MTMR3: variants seen among roughly 807,000 people sequenced by gnomAD.
MTMR3 encodes the protein myotubularin related protein 3.
Under a neutral mutation model 132.4 loss-of-function variants are expected in MTMR3, and 32 were observed. The observed-to-expected ratio is 0.24, with a 90% CI of 0.18 to 0.32. The LOEUF (loss-of-function observed/expected upper bound fraction) is 0.32, where lower values mean the gene tolerates loss of function less well. Ranked by LOEUF, MTMR3 falls within the 10% of genes least tolerant of loss-of-function variation. The pLI is 1.00. For missense variants in MTMR3, 1,216 were observed against 1,489.6 expected (o/e 0.82, Z 3.02); for synonymous variants, 556 against 550.3 (o/e 1.01, Z -0.14).
intron 1 of MTMR3, among the ~76,000 whole-genome samples, chr22:29,922,014 A>G (rs1268694928): frequency 6.6e-6 from 1 of 150,930 alleles, no homozygotes; most frequent in East Asian, 1.9e-4. Context: ...CACACCAGCT[A>G]ATTTGTATAT....
Position 29,998,626 on chromosome 22 carries a change from G to C in MTMR3, c.461-135G>C, listed in dbSNP as rs116075159. 4.4e-3 allele frequency: 1,938 copies of C among 436,612 alleles called. 38 individuals are homozygous for C. The highest frequency in any genetic ancestry group is 0.037 in the African/African-American group (1,809 of 48,474). 27.0% of individuals were successfully genotyped at this position (436,612 alleles called of 1,614,324 possible). On this transcript the variant is annotated intron_variant, in intron 7 of 19. Coordinates refer to ENST00000401950, the MANE Select transcript of MTMR3 (RefSeq NM_021090.4). ...CCACTGCACTCCGGCCTATGTGACA[G>C]AGTGGAATCCTGTCTCAAAAAATAT...
intron 9 of MTMR3, chr22:30,003,563 C>G (rs566144880): frequency 6.6e-6 from 1 of 152,392 alleles, no homozygotes; most frequent in East Asian, 1.9e-4. Context: ...TTTGGAATCA[C>G]AGATCTGAAT....
At chr22:30,021,731 A>G (rs113652448) in intron 17 of MTMR3, 5 of 339,996 alleles carry the variant, frequency 1.5e-5, no homozygotes, top group Admixed American at 1.3e-4. Flanking sequence ...AGCAGCTGAC[A>G]TACAGAATTC....
rs2067827842 is a variant in MTMR3, at chr22:30,023,668, G to A, written c.3425+971G>A. On this transcript the variant is annotated intron_variant, in intron 19 of 19. Coordinates refer to ENST00000401950, the MANE Select transcript of MTMR3 (RefSeq NM_021090.4). ...AGGAGAGGCCATCGAGGGTGGGTCA[G>A]GCTGCAGCCATGTGCTCCCCTCCTG... 2.4e-5 allele frequency: 16 copies of A among 670,318 alleles called. 1 individual carries two copies. The South Asian group carries it at 2.8e-4, about 12-fold the overall frequency. 41.5% of individuals were successfully genotyped at this position (670,318 alleles called of 1,614,324 possible).
rs1569019555 is a variant in MTMR3, at chr22:29,949,129, ACACACACACACACACCCCC to A, written c.-137-7905_-137-7887del. 2.5e-3 allele frequency among the ~76,000 whole-genome samples: 76 copies of A among 30,506 alleles called. 1 individual carries two copies. Among genetic ancestry groups the A allele is most frequent in the Middle Eastern group, 0.014 (1 of 70 alleles). 20.0% of individuals were successfully genotyped at this position (30,506 alleles called of 152,430 possible). On this transcript the variant is annotated intron_variant, in intron 1 of 19. Coordinates refer to ENST00000401950, the MANE Select transcript of MTMR3 (RefSeq NM_021090.4). ...CACACACACACACACACACACACAC[ACACACACACACACACCCCC>A]CCCCCCCCCCCCGAGGCCCTGTCTT...
At chr22:29,887,358 A>G (rs76882731) in intron 1 of MTMR3, among the ~76,000 whole-genome samples, 399 of 152,342 alleles carry the variant, frequency 2.6e-3, no homozygotes, top group African/African-American at 9.2e-3. Flanking sequence ...TGGATCAAAC[A>G]ATAGTGTATA....
At chr22:29,969,476 C>T (rs1490185089) in intron 2 of MTMR3, among the ~76,000 whole-genome samples, 1 of 152,014 alleles carries the variant, frequency 6.6e-6, no homozygotes, top group East Asian at 1.9e-4. Context: ...TGCCCCTTAC[C>T]CCCAGTAGCC....
At chr22:29,887,274 A>G (rs1165083155) in intron 1 of MTMR3, among the ~76,000 whole-genome samples, 1 of 152,214 alleles carries the variant, frequency 6.6e-6, no homozygotes, top group Non-Finnish European at 1.5e-5. Context: ...GGCAAGCTAC[A>G]TAACCCCCCT....
intron 1 of MTMR3, among the ~76,000 whole-genome samples, chr22:29,918,026 G>A (rs946454044): frequency 6.6e-6 from 1 of 152,106 alleles, no homozygotes; most frequent in Non-Finnish European, 1.5e-5. Context: ...CTGAAATCAC[G>A]AAATGCCTCA....
At chr22:29,978,601 T>A in intron 4 of MTMR3, 70 bp downstream of exon 4, 1 of 1,180,648 alleles carries the variant, frequency 8.5e-7, no homozygotes, top group Non-Finnish European at 1.2e-6. Context: ...TTAATGGATT[T>A]AAGTGTAACG....
chr22:29,979,414 C>G (rs1220277835), intron 5 of MTMR3: 7 of 216,626 alleles, frequency 3.2e-5, no homozygotes, highest in Admixed American at 5.4e-5. Flanking sequence ...ATGGCATGAA[C>G]CCGGGAGGTG....
intron 9 of MTMR3, chr22:30,005,078 T>C (rs1170549174): frequency 6.6e-6 from 1 of 152,258 alleles, no homozygotes; most frequent in Non-Finnish European, 1.5e-5. Flanking sequence ...TGGTGATTAT[T>C]CTAAACTCCT....
chr22:30,016,346 T>G, intron 14 of MTMR3, 182 bp from the exon 15 acceptor site: 1 of 594,018 alleles, frequency 1.7e-6, no homozygotes, highest in Non-Finnish European at 2.9e-6. Context: ...ACTCAGGTTG[T>G]TGGGTCCTGG....
chr22:30,022,767 A>G, intron 19 of MTMR3, 70 bp downstream of exon 19: 1 of 1,339,356 alleles, frequency 7.5e-7, no homozygotes, highest in Non-Finnish European at 1.0e-6. Flanking sequence ...GAGCCTGCAG[A>G]GTAGAGGGTT....
At chr22:29,917,953 A>G (rs1372933094) in intron 1 of MTMR3, among the ~76,000 whole-genome samples, 2 of 152,252 alleles carry the variant, frequency 1.3e-5, no homozygotes, top group Non-Finnish European at 2.9e-5. Context: ...ATAGCTGTCA[A>G]GGGATTACTT....
chr22:29,963,081 C>T (rs2066344591), intron 2 of MTMR3, among the ~76,000 whole-genome samples: 1 of 151,794 alleles, frequency 6.6e-6, no homozygotes, highest in East Asian at 1.9e-4. Flanking sequence ...CCAGCACGTC[C>T]AGCTAGTTTT....
chr22:30,008,129 C>A (rs536159762), intron 11 of MTMR3, 97 bp downstream of exon 11: 3 of 1,483,198 alleles, frequency 2.0e-6, no homozygotes, highest in South Asian at 1.2e-5. Flanking sequence ...AAGTGGCAAG[C>A]CATATTCCTC....
chr22:29,926,319 A>G (rs913836833), intron 1 of MTMR3, among the ~76,000 whole-genome samples: 2 of 152,094 alleles, frequency 1.3e-5, no homozygotes, highest in African/African-American at 4.8e-5. Flanking sequence ...TTATTATTTT[A>G]CTATTGTGAA....
intron 1 of MTMR3, among the ~76,000 whole-genome samples, chr22:29,884,246 T>G (rs1018813856): frequency 1.3e-5 from 2 of 149,780 alleles, no homozygotes; most frequent in African/African-American, 4.8e-5. Flanking sequence ...CATCTATTTT[T>G]CCACAACCCA....
Sources: gnomAD v4.1 joint callset for allele counts (sites outside exome capture counted in the v4.1 genomes callset) on GRCh38, gnomAD v4.1.1 for gene constraint, MANE v1.5 for transcripts, NCBI Gene and HGNC (gene_info 2026-07-23, HGNC 2026-07-21) for gene names.